The following UNC79 variants were observed in gnomAD, a reference collection of about 807,000 sequenced individuals.
UNC79 encodes the protein protein unc-79 homolog.
A neutral mutation model predicts 283.1 loss-of-function variants in UNC79; 37 were observed. The ratio of observed to expected loss-of-function variants is 0.13; its 90% CI spans 0.10 to 0.17. The LOEUF (loss-of-function observed/expected upper bound fraction) is 0.17, where lower values mean the gene tolerates loss of function less well. UNC79 is among the 10% of genes least tolerant of loss of function. The pLI, the probability that UNC79 is intolerant of heterozygous loss-of-function variation, is 1.00. For missense variants in UNC79, 2,272 were observed against 3,211.1 expected, an observed-to-expected ratio of 0.71 and a Z score of 7.07; for synonymous variants, 1,107 against 1,200.2, an observed-to-expected ratio of 0.92 and a Z score of 1.61.
intron 39 of UNC79, among the ~76,000 whole-genome samples, chr14:93,660,076 T>C (rs1002111893): frequency 2.0e-5 from 3 of 152,238 alleles, no homozygotes; most frequent in African/African-American, 7.2e-5. Context: ...ACTTTTGTAT[T>C]CCAAGCTGTA....
chr14:93,488,851 T>C (rs2058582569), intron 5 of UNC79, among the ~76,000 whole-genome samples: 1 of 152,206 alleles, frequency 6.6e-6, no homozygotes, highest in Admixed American at 6.5e-5. Flanking sequence ...AGTAATCTCA[T>C]ACATAAGGGC....
At chr14:93,658,051 G>A (rs1452408768) in intron 38 of UNC79, among the ~76,000 whole-genome samples, 3 of 152,158 alleles carry the variant, frequency 2.0e-5, no homozygotes, top group Non-Finnish European at 4.4e-5. Context: ...CATCAACTCC[G>A]ATGAGTGTCG....
intron 24 of UNC79, among the ~76,000 whole-genome samples, chr14:93,598,816 C>T (rs945947270): frequency 5.3e-5 from 8 of 152,218 alleles, no homozygotes; most frequent in Admixed American, 2.6e-4. Flanking sequence ...GCCACCACTG[C>T]GCCTGGCCTG....
intron 1 of UNC79, among the ~76,000 whole-genome samples, chr14:93,454,125 A>T (rs2056728900): frequency 6.6e-6 from 1 of 150,476 alleles, no homozygotes; most frequent in African/African-American, 2.5e-5. Context: ...GGCTCACAGC[A>T]TCAATCTTCT....
chr14:93,509,407 G>GTCAACAGCCTGAAGTCT (rs2059707944), intron 7 of UNC79, among the ~76,000 whole-genome samples: 1 of 152,122 alleles, frequency 6.6e-6, no homozygotes, highest in African/African-American at 2.4e-5. Context: ...TAACTCAGAA[G>GTCAACAGCCTGAAGTCT]TCAACAGCCT....
intron 1 of UNC79, among the ~76,000 whole-genome samples, chr14:93,417,561 G>T (rs2140062529): frequency 6.6e-6 from 1 of 152,306 alleles, no homozygotes; most frequent in Admixed American, 6.5e-5. Flanking sequence ...GAATCTGAAT[G>T]TTGGCCTGCC....
chr14:93,677,109 AAGTAAC>A (rs1303071078), intron 41 of UNC79, among the ~76,000 whole-genome samples: 1 of 152,208 alleles, frequency 6.6e-6, no homozygotes, highest in East Asian at 1.9e-4. Context: ...AGCCATTTCA[AAGTAAC>A]AAATCTTTGT....
intron 47 of UNC79, among the ~76,000 whole-genome samples, chr14:93,703,120 C>T (rs1358080635): frequency 6.6e-6 from 1 of 152,208 alleles, no homozygotes; most frequent in East Asian, 1.9e-4. Flanking sequence ...TTCTAAGAGC[C>T]TCACATGTCA....
chr14:93,394,398 T>C (rs367952281), intron 1 of UNC79, among the ~76,000 whole-genome samples: 4 of 144,056 alleles, frequency 2.8e-5, no homozygotes, highest in African/African-American at 8.3e-5. Context: ...TTTATTTTAT[T>C]TTATTTTATT....
At chr14:93,634,702 A>T (rs1566825235) in intron 31 of UNC79, 65 bp downstream of exon 34, 1 of 1,371,534 alleles carries the variant, frequency 7.3e-7, no homozygotes, top group East Asian at 2.3e-5. Flanking sequence ...CTCTGTGTCC[A>T]CTCTGCTCCC....
chr14:93,370,057 C>G (rs61991747), intron 1 of UNC79, among the ~76,000 whole-genome samples: 123 of 152,236 alleles, frequency 8.1e-4, no homozygotes, highest in South Asian at 3.1e-3. Context: ...AATCACAGGA[C>G]TATAGAATGC....
Position 93,690,664 on chromosome 14 carries a change from TTCTC to T in UNC79, c.7272+363_7272+366del, listed in dbSNP as rs1275778969. ...CAGAGACAAAACAAAGGAAAATTCA[TTCTC>T]TATCTAATTCTTCATGTACCATCTT... is the stretch of plus-strand genomic sequence containing the variant. On this transcript the variant is annotated intron_variant, in intron 45 of 48. Transcript: ENST00000555664. The surrounding 1 kb of genome is among the most constrained non-coding windows in gnomAD (Gnocchi z 4.3). The T allele has an allele frequency of 4.6e-6, 1 of 215,980 alleles. No homozygotes were observed. Among genetic ancestry groups the T allele is most frequent in the Non-Finnish European group, 9.1e-6 (1 of 109,422 alleles). 13.4% of individuals were successfully genotyped at this position (215,980 alleles called of 1,614,324 possible).
At chr14:93,385,838 A>G (rs1049949889) in intron 1 of UNC79, among the ~76,000 whole-genome samples, 2 of 151,692 alleles carry the variant, frequency 1.3e-5, no homozygotes, top group Non-Finnish European at 2.9e-5. Context: ...CTGCAGCTTT[A>G]CTGAATTTGT....
intron 1 of UNC79, chr14:93,464,716 T>C (rs777753558): frequency 2.0e-5 from 8 of 407,534 alleles, no homozygotes; most frequent in African/African-American, 4.2e-5. Context: ...CAGTTGAGGT[T>C]GAAGATCATT....
At chr14:93,380,252 A>G (rs1566902971) in intron 1 of UNC79, among the ~76,000 whole-genome samples, 1 of 152,164 alleles carries the variant, frequency 6.6e-6, no homozygotes, top group African/African-American at 2.4e-5. Flanking sequence ...CAGAGTAAAC[A>G]TTTTTTCATT....
intron 14 of UNC79, among the ~76,000 whole-genome samples, chr14:93,565,657 T>A (rs1172872910): frequency 8.8e-6 from 1 of 114,058 alleles, no homozygotes; most frequent in East Asian, 2.0e-4. Flanking sequence ...AGGCCGTATT[T>A]AGTTTGCTTT....
At chr14:93,539,184 T>A (rs2061248421) in intron 12 of UNC79, among the ~76,000 whole-genome samples, 1 of 145,704 alleles carries the variant, frequency 6.9e-6, no homozygotes, top group Non-Finnish European at 1.5e-5. Context: ...ATTACAGGCG[T>A]GAGCCACCGT....
At chr14:93,643,923 A>T (rs1055791718) in intron 34 of UNC79, among the ~76,000 whole-genome samples, 1 of 152,236 alleles carries the variant, frequency 6.6e-6, no homozygotes. Context: ...GCTAGGGGCA[A>T]CTGCACTAAG....
intron 1 of UNC79, among the ~76,000 whole-genome samples, chr14:93,402,801 C>T (rs1272134092): frequency 2.0e-5 from 3 of 152,000 alleles, no homozygotes; most frequent in African/African-American, 4.8e-5. Context: ...ACTTGTGGTT[C>T]CCACTGGCAG....
Sources: allele counts gnomAD v4.1 joint callset (sites outside exome capture counted in the v4.1 genomes callset), GRCh38; gene constraint gnomAD v4.1.1; non-coding constraint Gnocchi (gnomAD v3.1); transcripts MANE v1.5; gene names NCBI Gene and HGNC (gene_info 2026-07-23, HGNC 2026-07-21).